Variants in TRIO observed in about 807,000 individuals in gnomAD.
The protein encoded by TRIO is trio Rho guanine nucleotide exchange factor.
A neutral mutation model predicts 351.9 loss-of-function variants in TRIO; 58 were observed. That is an observed-to-expected ratio of 0.16 (90% confidence interval 0.13 to 0.21). TRIO has a LOEUF of 0.21. Among genes scored for constraint, TRIO ranks in the 10% least tolerant of loss-of-function variants. The pLI is 1.00. For missense variants in TRIO, 3,201 were observed against 4,027.8 expected (o/e 0.79, Z 5.56); for synonymous variants, 1,758 against 1,595.7 (o/e 1.10, Z -2.42).
At chr5:14,325,342 G>A (rs1740271715) in intron 9 of TRIO, among the ~76,000 whole-genome samples, 1 of 152,216 alleles carries the variant, frequency 6.6e-6, no homozygotes, top group Non-Finnish European at 1.5e-5. Flanking sequence ...AAGAAGCATG[G>A]CACCAGCATG....
At chr5:14,469,863 T>C (rs1427332747) in intron 37 of TRIO, among the ~76,000 whole-genome samples, 3 of 152,250 alleles carry the variant, frequency 2.0e-5, no homozygotes, top group Non-Finnish European at 4.4e-5. Flanking sequence ...GTCTGCAGCA[T>C]CAGGGGCATC....
intron 21 of TRIO, 61 bp downstream of exon 21, chr5:14,381,313 T>G: frequency 6.5e-7 from 1 of 1,532,628 alleles, no homozygotes; most frequent in Admixed American, 2.2e-5. Context: ...TTCAAAAATA[T>G]CATAAAGAAA....
chr5:14,496,670 C>T (rs1427399701), intron 49 of TRIO, among the ~76,000 whole-genome samples: 1 of 152,172 alleles, frequency 6.6e-6, no homozygotes, highest in Non-Finnish European at 1.5e-5. Context: ...TTTATATTTT[C>T]ATCCTCAAAC....
At chr5:14,461,427 C>G in intron 35 of TRIO, 116 bp downstream of exon 35, 10 of 1,321,954 alleles carry the variant, frequency 7.6e-6, no homozygotes, top group Non-Finnish European at 7.0e-6. Flanking sequence ...CGCACTTACT[C>G]AGAAATTACC....
chr5:14,417,078 T>G (rs995271155), intron 33 of TRIO, among the ~76,000 whole-genome samples: 2 of 152,246 alleles, frequency 1.3e-5, no homozygotes, highest in Admixed American at 1.3e-4. Context: ...ACCCCAGCTC[T>G]AAGTCACGGG....
At chr5:14,406,197 T>C in intron 32 of TRIO, 2 of 756,502 alleles carry the variant, frequency 2.6e-6, no homozygotes, top group Non-Finnish European at 4.1e-6. Flanking sequence ...AACGAAGGGC[T>C]GTGTGCAAAC....
chr5:14,367,967 T>G (rs866542554), intron 16 of TRIO, among the ~76,000 whole-genome samples: 9 of 152,228 alleles, frequency 5.9e-5, no homozygotes, highest in Non-Finnish European at 5.9e-5. Flanking sequence ...TCATTTGTAC[T>G]TCTTCAGGCG....
At chr5:14,218,672 C>T (rs2152204901) in intron 1 of TRIO, among the ~76,000 whole-genome samples, 1 of 152,362 alleles carries the variant, frequency 6.6e-6, no homozygotes, top group Admixed American at 6.5e-5. Flanking sequence ...TCTGTGGTTC[C>T]TGTGCACCTC....
chr5:14,491,738 G>A (rs148967078), intron 48 of TRIO, among the ~76,000 whole-genome samples: 167 of 152,280 alleles, frequency 1.1e-3, no homozygotes, highest in African/African-American at 3.9e-3. Context: ...CCCTGTGACT[G>A]AAGAGATCGG....
chr5:14,355,612 C>G (rs1183828793), intron 11 of TRIO, among the ~76,000 whole-genome samples: 1 of 152,198 alleles, frequency 6.6e-6, no homozygotes, highest in East Asian at 1.9e-4. Context: ...TGTGACTTGG[C>G]AACTTGGAAT....
intron 8 of TRIO, among the ~76,000 whole-genome samples, chr5:14,313,385 A>C (rs900798839): frequency 4.6e-5 from 7 of 152,324 alleles, no homozygotes; most frequent in African/African-American, 1.7e-4. Flanking sequence ...GATCTGTTAA[A>C]CAGTTGCAGA....
rs1256367486 is a variant in TRIO at position 14,487,582 on chromosome 5, C to T, written c.6954C>T (p.Ser2318=). Residue 2318 remains serine (S), a synonymous_variant, in exon 48 of 57, where the codon AGC becomes AGT. Transcript: ENST00000344204. ...GCGGCGGGGCCCCCAGTGGCGGCAGCGGCCACAGTGGCGGCCCCAGCAGCT... is the reference window on the plus strand; with the variant it reads ...GCGGCGGGGCCCCCAGTGGCGGCAGTGGCCACAGTGGCGGCCCCAGCAGCT... The part of the protein sequence containing the change: ...SGGGGAPSGG[S]GHSGGPSSCG... 9 of 1,140,376 alleles carry T rather than the reference C, an allele frequency of 7.9e-6. No individual in the cohort carries two copies. Among genetic ancestry groups the T allele is most frequent in the South Asian group, 8.5e-5 (2 of 23,506 alleles). 70.6% of individuals were successfully genotyped at this position (1,140,376 alleles called of 1,614,324 possible).
chr5:14,281,424 A>ACCCCCCCCCCCCCC (rs3061076), intron 3 of TRIO, among the ~76,000 whole-genome samples: 5 of 89,330 alleles, frequency 5.6e-5, no homozygotes, highest in African/African-American at 1.4e-4. Context: ...AGCCGTTAGA[A>ACCCCCCCCCCCCCC]CCCCCCCCCC....
At position 14,498,111 on chromosome 5, in the gene TRIO, A is replaced by T; in HGVS notation, c.8070A>T (p.Pro2690=). Residue 2690 remains proline, a synonymous_variant, in exon 52 of 57, where the codon CCA becomes CCT. Coordinates refer to ENST00000344204, the MANE Select transcript of TRIO (RefSeq NM_007118.4). ...CAGTTCCCCCAGAATTCGTCATTCC[A>T]TTGAGTGAGGTCACGTGTGAGACAG... The part of the protein sequence containing the change: ...IYDVPPEFVI[P]LSEVTCETGE... 1 of 1,614,120 alleles carries T rather than the reference A, an allele frequency of 6.2e-7. No homozygotes were observed. The highest frequency in any genetic ancestry group is 8.5e-7 in the Non-Finnish European group (1 of 1,180,022).
intron 11 of TRIO, among the ~76,000 whole-genome samples, chr5:14,349,762 A>T (rs749705319): frequency 6.6e-6 from 1 of 152,350 alleles, no homozygotes. Context: ...GTACATGTGC[A>T]GGCTTGTTAT....
chr5:14,362,120 G>A (rs1327823865), intron 13 of TRIO, among the ~76,000 whole-genome samples: 2 of 152,148 alleles, frequency 1.3e-5, no homozygotes, highest in Non-Finnish European at 2.9e-5. Flanking sequence ...ATCTCTGAAT[G>A]AATGAATGTC....
chr5:14,210,633 G>A (rs1791830875), intron 1 of TRIO, among the ~76,000 whole-genome samples: 2 of 151,936 alleles, frequency 1.3e-5, no homozygotes, highest in South Asian at 4.2e-4. Flanking sequence ...GTGGTTTTAT[G>A]ATTGTTTTGG....
intron 40 of TRIO, among the ~76,000 whole-genome samples, chr5:14,475,081 G>A (rs555637317): frequency 1.3e-5 from 2 of 152,310 alleles, no homozygotes; most frequent in South Asian, 2.1e-4. Context: ...CCATCTGGGG[G>A]CTGGTGCTAC....
At chr5:14,267,595 GTTCCA>G (rs1795757801) in intron 1 of TRIO, among the ~76,000 whole-genome samples, 1 of 152,156 alleles carries the variant, frequency 6.6e-6, no homozygotes, top group Non-Finnish European at 1.5e-5. Flanking sequence ...CGTTTTTATA[GTTCCA>G]CACTGTTTTC....
Sources: allele counts gnomAD v4.1 joint callset (sites outside exome capture counted in the v4.1 genomes callset), GRCh38; gene constraint gnomAD v4.1.1; transcripts MANE v1.5; gene names NCBI Gene and HGNC (gene_info 2026-07-23, HGNC 2026-07-21).